Variants in DNAH6 observed in about 807,000 individuals in gnomAD.
DNAH6 encodes dynein axonemal heavy chain 6, also known as axonemal beta dynein heavy chain 6.
In DNAH6, 340 loss-of-function variants were observed where a neutral mutation model predicts 491.4. That is an observed-to-expected ratio of 0.69 (90% CI 0.63 to 0.76). The LOEUF (loss-of-function observed/expected upper bound fraction) is 0.76, where lower values mean the gene tolerates loss of function less well. DNAH6 is among the 30% of genes least tolerant of loss of function. The pLI, the probability that DNAH6 is intolerant of heterozygous loss-of-function variation, is 0.00. For missense variants in DNAH6, 4,443 were observed against 4,972.2 expected (o/e 0.89, Z 3.20); for synonymous variants, 1,603 against 1,686.1 (o/e 0.95, Z 1.21).
At position 84,718,254 on chromosome 2, in the gene DNAH6, T is replaced by C; in HGVS notation, c.9662T>C (p.Leu3221Pro). The C allele has an allele frequency of 6.5e-7, 1 of 1,548,038 alleles. No individual in the cohort carries two copies. The highest frequency in any genetic ancestry group is 8.7e-7 in the Non-Finnish European group (1 of 1,145,984). ...KPRLEEQRIKLIVRINTDKNQ... is the reference protein window; with the variant it reads ...KPRLEEQRIKPIVRINTDKNQ... Reference sequence around the variant, plus strand: ...AGGTTGGAAGAACAAAGAATTAAGCTCATCGTGAGGATCAACACTGATAAA... The same window carrying C: ...AGGTTGGAAGAACAAAGAATTAAGCCCATCGTGAGGATCAACACTGATAAA... Residue 3221 changes from leucine to proline, a missense_variant, in exon 59 of 77, where the codon CTC becomes CCC. This residue lies in a region of DNAH6 where 1,463 missense variants were observed against 1,656.6 expected (regional missense o/e 0.88). Transcript: ENST00000389394.
chr2:84,469,162 T>C, the DNAH6 span, among the ~76,000 whole-genome samples: 1 of 152,310 alleles, frequency 6.6e-6, no homozygotes, highest in Non-Finnish European at 1.5e-5. This position sits in a 1 kb window ranked among gnomAD's most constrained non-coding sequence, Gnocchi z 4.0. Flanking sequence ...TGATTTTTTT[T>C]CCCATTCGTT....
intron 4 of DNAH6, among the ~76,000 whole-genome samples, chr2:84,535,873 T>C (rs1677644359): frequency 6.6e-6 from 1 of 151,956 alleles, no homozygotes; most frequent in Admixed American, 6.6e-5. Context: ...GGAAGAACTT[T>C]GTTTAGGAAG....
the DNAH6 span, among the ~76,000 whole-genome samples, chr2:84,507,496 G>A: frequency 3.9e-5 from 6 of 152,074 alleles, no homozygotes; most frequent in Admixed American, 1.3e-4. Context: ...TAGATATACA[G>A]TCATGTCATC....
the DNAH6 span, among the ~76,000 whole-genome samples, chr2:84,510,662 G>A: frequency 1.9e-3 from 288 of 152,224 alleles, no homozygotes; most frequent in African/African-American, 6.7e-3. Flanking sequence ...GATTTTTAGA[G>A]TTTCCAGTTT....
At chr2:84,674,921 C>T (rs935247735) in intron 40 of DNAH6, among the ~76,000 whole-genome samples, 2 of 152,178 alleles carry the variant, frequency 1.3e-5, no homozygotes, top group African/African-American at 4.8e-5. Flanking sequence ...TCTTTTGCTG[C>T]TCCCTGCACA....
At chr2:84,601,054 T>TATTATAGTATAATAATAAC (rs1685190999) in intron 18 of DNAH6, among the ~76,000 whole-genome samples, 1 of 147,674 alleles carries the variant, frequency 6.8e-6, no homozygotes, top group African/African-American at 2.5e-5. Context: ...ATAATAATGT[T>TATTATAGTATAATAATAAC]ATTATTATAC....
At chr2:84,575,848 C>T (rs370130649) in intron 12 of DNAH6, among the ~76,000 whole-genome samples, 29 of 152,284 alleles carry the variant, frequency 1.9e-4, no homozygotes, top group African/African-American at 7.0e-4. Context: ...CGCGCCGCTG[C>T]ACTCCAGCCT....
At chr2:84,502,299 T>G in the DNAH6 span, among the ~76,000 whole-genome samples, 1 of 152,194 alleles carries the variant, frequency 6.6e-6, no homozygotes, top group Non-Finnish European at 1.5e-5. Flanking sequence ...CGGAGCGTAT[T>G]GTTTACTTTC....
chr2:84,490,419 A>G, the DNAH6 span, among the ~76,000 whole-genome samples: 1 of 152,144 alleles, frequency 6.6e-6, no homozygotes, highest in Admixed American at 6.5e-5. Context: ...ATCAAAATAT[A>G]GAACTCCTCC....
intron 70 of DNAH6, among the ~76,000 whole-genome samples, chr2:84,800,240 A>T (rs1678764952): frequency 6.6e-6 from 1 of 152,200 alleles, no homozygotes; most frequent in Non-Finnish European, 1.5e-5. Context: ...AAAAAAAAGA[A>T]TAAAATGTCA....
intron 11 of DNAH6, among the ~76,000 whole-genome samples, chr2:84,569,443 G>C (rs1295429350): frequency 6.6e-6 from 1 of 151,938 alleles, no homozygotes; most frequent in Non-Finnish European, 1.5e-5. Context: ...ATGGGGAAGT[G>C]ACTATTTTCT....
rs75091297 is a variant in DNAH6 at position 84,742,439 on chromosome 2, G to A, written c.10343-2641G>A. Among the ~76,000 whole-genome samples, 2,102 of 152,168 alleles carry A rather than the reference G, an allele frequency of 0.014. 135 individuals are homozygous for A. In the East Asian group the frequency reaches 0.2, roughly 14 times the overall value. On this transcript the variant is annotated intron_variant, in intron 62 of 76. Coordinates refer to ENST00000389394, the MANE Select transcript of DNAH6 (RefSeq NM_001370.2). ...GAAGATTTCCATTTGACAATGTCTA[G>A]AGACATTTTTGTTTGCCACAACTGG...
intron 63 of DNAH6, among the ~76,000 whole-genome samples, chr2:84,754,113 C>T (rs898906524): frequency 1.3e-5 from 2 of 151,948 alleles, no homozygotes; most frequent in African/African-American, 4.8e-5. Context: ...TGAGCCACCA[C>T]GCCTGGCCTT....
At chr2:84,486,144 A>G in the DNAH6 span, among the ~76,000 whole-genome samples, 1 of 152,338 alleles carries the variant, frequency 6.6e-6, no homozygotes, top group Non-Finnish European at 1.5e-5. Flanking sequence ...TGAGACTTCC[A>G]GAGCTTCAGC....
At chr2:84,812,913 G>T in intron 73 of DNAH6, 145 bp from the exon 74 acceptor site, 1 of 661,254 alleles carries the variant, frequency 1.5e-6, no homozygotes, top group Non-Finnish European at 2.6e-6. Flanking sequence ...AGGGGAATGC[G>T]GCAGGCAGTG....
At position 84,705,661 on chromosome 2, in the gene DNAH6, A is replaced by G. The variant is rs1166099719; in HGVS notation, c.8641A>G (p.Met2881Val). 1 of 1,551,724 alleles carries G rather than the reference A, an allele frequency of 6.4e-7. No individual in the cohort carries two copies. The highest frequency in any genetic ancestry group is 2.0e-5 in the Admixed American group (1 of 51,008). The change falls in exon 52 of 77, where the codon ATG (methionine) becomes GTG (valine). Residue 2881 changes from methionine to valine, a missense_variant. Met to Val is a conservative substitution (Grantham distance 21). Around this residue, in one of 3 missense-constraint regions of DNAH6, gnomAD observed 1,463 missense variants for 1,656.6 expected, o/e 0.88. Coordinates refer to ENST00000389394, the MANE Select transcript of DNAH6 (RefSeq NM_001370.2). The stretch of plus-strand genomic sequence containing the variant: ...GAAAGTGTCCAAAGCATGTAAATCT[A>G]TGTGCATGTGGGTAAGAGCTATGGA... Reference protein sequence around the residue: ...VEKVSKACKSMCMWVRAMDLY... With the variant: ...VEKVSKACKSVCMWVRAMDLY...
At position 84,777,786 on chromosome 2, in the gene DNAH6, T is replaced by A. The variant is rs573890842; in HGVS notation, c.10704-3707T>A. The A allele has an allele frequency of 1.1e-5, 11 of 1,010,798 alleles. No individual in the cohort carries two copies. In the African/African-American group the frequency reaches 1.7e-4, roughly 16 times the overall value. The allele number at this position is 1,010,798 out of a possible 1,614,324, so 62.6% of individuals were successfully genotyped here. On this transcript the variant is annotated intron_variant, in intron 64 of 76. Transcript: ENST00000389394. The stretch of plus-strand genomic sequence containing the variant: ...CAACCACTTCCAATAATACAGTTTT[T>A]GGGGAAGCCACTTATCTTCCAAGCC...
the DNAH6 span, among the ~76,000 whole-genome samples, chr2:84,486,891 G>A: frequency 6.6e-6 from 1 of 152,134 alleles, no homozygotes; most frequent in Non-Finnish European, 1.5e-5. Flanking sequence ...TCAATCACTT[G>A]TTCATTCAAC....
At chr2:84,811,503 A>G (rs1252229957) in intron 72 of DNAH6, among the ~76,000 whole-genome samples, 2 of 152,118 alleles carry the variant, frequency 1.3e-5, no homozygotes, top group African/African-American at 4.8e-5. Context: ...ACATGTTTTA[A>G]GGAGGTGTTT....
Sources: allele counts gnomAD v4.1 joint callset (sites outside exome capture counted in the v4.1 genomes callset), GRCh38; gene constraint gnomAD v4.1.1; regional missense constraint gnomAD v4.1.1; non-coding constraint Gnocchi (gnomAD v3.1); transcripts MANE v1.5; gene names NCBI Gene and HGNC (gene_info 2026-07-23, HGNC 2026-07-21).